The following TENM1 variants were observed in gnomAD, a reference collection of about 807,000 sequenced individuals.
The protein encoded by TENM1 is teneurin-1.
TENM1 carries 35 observed loss-of-function variants against 174.8 expected under a neutral mutation model. The ratio of observed to expected loss-of-function variants is 0.20; its 90% CI spans 0.15 to 0.27. The LOEUF (loss-of-function observed/expected upper bound fraction) is 0.27, where lower values mean the gene tolerates loss of function less well. Ranked by LOEUF, TENM1 falls within the 10% of genes least tolerant of loss-of-function variation. TENM1 has a pLI of 1.00. For missense variants in TENM1, 1,633 were observed against 2,130.1 expected (o/e 0.77, Z 4.59); for synonymous variants, 781 against 798.7 (o/e 0.98, Z 0.37).
At chrX:124,606,695 G>A (rs1425182038) in intron 11 of TENM1, among the ~76,000 whole-genome samples, 3 of 111,569 alleles carry the variant, frequency 2.7e-5, no homozygotes, top group Non-Finnish European at 5.7e-5. Context: ...AGGTTTGGAG[G>A]AATGGAATGA....
At chrX:124,471,146 AATATATATTATGTC>A in intron 22 of TENM1, among the ~76,000 whole-genome samples, 2 of 83,371 alleles carry the variant, frequency 2.4e-5, no homozygotes, top group African/African-American at 4.5e-5. Context: ...AGTAATATAT[AATATATATTATGTC>A]ATATATAATA....
At chrX:124,772,328 G>T (rs2054673715) in intron 3 of TENM1, among the ~76,000 whole-genome samples, 1 of 111,332 alleles carries the variant, frequency 9.0e-6, no homozygotes, top group Admixed American at 9.5e-5. Flanking sequence ...TAGAGACAGG[G>T]TTTCGCCATG....
intron 14 of TENM1, among the ~76,000 whole-genome samples, chrX:124,552,972 ATTTT>A (rs751411751): frequency 4.5e-5 from 5 of 110,408 alleles, no homozygotes; most frequent in Non-Finnish European, 9.5e-5. Flanking sequence ...TTTAATCTTA[ATTTT>A]TTTAATTTTA....
chrX:124,572,800 CA>C lies in TENM1; in HGVS notation c.2078-7241del, dbSNP rs771484993. The stretch of plus-strand genomic sequence containing the variant: ...CCATTAAAAATAATAGCACATATAG[CA>C]AAAAAAAGGTTCCATACTCCTTTAC... On this transcript the variant is annotated intron_variant, in intron 11 of 31. Coordinates refer to ENST00000422452, the Ensembl canonical transcript of TENM1. Among the ~76,000 whole-genome samples, 63 of 108,268 alleles carry C rather than the reference CA, an allele frequency of 5.8e-4. No homozygotes were observed. The East Asian group carries it at 0.017, about 30-fold the overall frequency. 94.0% of individuals were successfully genotyped at this position (108,268 alleles called of 115,157 possible).
intron 17 of TENM1, 44 bp downstream of exon 20, chrX:124,523,320 C>G (rs371454003): frequency 8.8e-5 from 104 of 1,182,599 alleles, no homozygotes; most frequent in Non-Finnish European, 1.1e-4. Flanking sequence ...GTTGACCACT[C>G]CATGATATTA....
At chrX:124,907,203 G>T (rs2057762191) in intron 1 of TENM1, among the ~76,000 whole-genome samples, 1 of 111,978 alleles carries the variant, frequency 8.9e-6, no homozygotes, top group Admixed American at 9.5e-5. Context: ...TGATAAAACA[G>T]AAAAACCAAT....
intron 3 of TENM1, among the ~76,000 whole-genome samples, chrX:124,866,616 A>G (rs2057012915): frequency 9.0e-6 from 1 of 111,489 alleles, no homozygotes; most frequent in Non-Finnish European, 1.9e-5. Context: ...AAGCAAGAGC[A>G]AGCCAAACCC....
At chrX:124,491,970 A>C (rs926643162) in intron 20 of TENM1, among the ~76,000 whole-genome samples, 6 of 111,808 alleles carry the variant, frequency 5.4e-5, no homozygotes, top group Non-Finnish European at 1.1e-4. Flanking sequence ...GTGGATCTCT[A>C]AACAGGTTAA....
chrX:124,803,055 T>C (rs1391578287), intron 3 of TENM1, among the ~76,000 whole-genome samples: 1 of 112,095 alleles, frequency 8.9e-6, no homozygotes, highest in Non-Finnish European at 1.9e-5. Flanking sequence ...TTCATACTAC[T>C]GTAAACAAAT....
exon 17 of TENM1, chrX:124,523,551 C>T: frequency 1.7e-6 from 2 of 1,211,716 alleles, no homozygotes; most frequent in Non-Finnish European, 2.2e-6. Flanking sequence ...CCAGAGTGTT[C>T]TCTTCTCAGG....
the TENM1 span, among the ~76,000 whole-genome samples, chrX:125,099,091 T>C: frequency 8.9e-6 from 1 of 112,646 alleles, no homozygotes; most frequent in Non-Finnish European, 1.9e-5. Flanking sequence ...AGTCACTGCT[T>C]AGCAGTAGAA....
chrX:124,757,296 C>T (rs1439894037), intron 3 of TENM1, among the ~76,000 whole-genome samples: 2 of 112,698 alleles, frequency 1.8e-5, no homozygotes, highest in Non-Finnish European at 3.8e-5. Context: ...ACCCTCCAAG[C>T]CAGGTGCGGG....
At chrX:124,779,682 T>C (rs2054863583) in intron 3 of TENM1, among the ~76,000 whole-genome samples, 1 of 111,630 alleles carries the variant, frequency 9.0e-6, no homozygotes, top group Non-Finnish European at 1.9e-5. Flanking sequence ...CCAAATACAC[T>C]TTTTCCCCTG....
the TENM1 span, among the ~76,000 whole-genome samples, chrX:125,036,446 G>C: frequency 9.0e-6 from 1 of 111,687 alleles, no homozygotes; most frequent in Admixed American, 9.5e-5. Flanking sequence ...AATTGTAAAG[G>C]GGAGACATAA....
chrX:124,588,395 C>T (rs924007327), intron 11 of TENM1, among the ~76,000 whole-genome samples: 6 of 111,309 alleles, frequency 5.4e-5, no homozygotes, highest in South Asian at 3.8e-4. Flanking sequence ...TTTGTAGGGA[C>T]GTGGATGAAA....
chrX:125,060,313 T>C, the TENM1 span, among the ~76,000 whole-genome samples: 1 of 110,306 alleles, frequency 9.1e-6, no homozygotes, highest in Admixed American at 9.8e-5. Flanking sequence ...TCAAATCCCA[T>C]CATTTTATAG....
At chrX:125,074,360 A>G in the TENM1 span, among the ~76,000 whole-genome samples, 39,480 of 107,629 alleles carry the variant, frequency 0.37, 7,739 homozygotes, top group African/African-American at 0.75. Flanking sequence ...GGCCCTTCTA[A>G]CCTACTTGCC....
chrX:124,899,338 C>A (rs529992364), intron 1 of TENM1, among the ~76,000 whole-genome samples: 12 of 111,445 alleles, frequency 1.1e-4, no homozygotes, highest in Non-Finnish European at 2.1e-4. Flanking sequence ...ATTACAGGCA[C>A]ATGCCATCAC....
intron 3 of TENM1, among the ~76,000 whole-genome samples, chrX:124,757,895 A>G (rs2054306540): frequency 1.8e-5 from 2 of 112,548 alleles, no homozygotes; most frequent in Admixed American, 1.9e-4. Context: ...TGAAAATGTA[A>G]GACAAACAAA....
Sources: allele counts gnomAD v4.1 joint callset (sites outside exome capture counted in the v4.1 genomes callset), GRCh38; gene constraint gnomAD v4.1.1; transcripts MANE v1.5; gene names NCBI Gene and HGNC (gene_info 2026-07-23, HGNC 2026-07-21).